Variants in CDC25C observed in about 807,000 individuals in gnomAD.
CDC25C encodes M-phase inducer phosphatase 3.
A neutral mutation model predicts 52.5 loss-of-function variants in CDC25C; 48 were observed. The observed-to-expected ratio is 0.91, with a 90% CI of 0.72 to 1.16. The LOEUF (loss-of-function observed/expected upper bound fraction) is 1.16, where lower values mean the gene tolerates loss of function less well. CDC25C is among the 50% of genes most tolerant of loss of function. CDC25C has a pLI of 0.00. For synonymous variants in CDC25C, 187 were observed against 206.5 expected, an observed-to-expected ratio of 0.91 and a Z score of 0.81; for missense variants, 510 against 566.1, an observed-to-expected ratio of 0.90 and a Z score of 1.01.
At position 138,329,535 on chromosome 5, in the gene CDC25C, T is replaced by C. The variant is rs771147894; in HGVS notation, c.289+18A>G. 8 of 1,497,458 alleles carry C rather than the reference T, an allele frequency of 5.3e-6. No individual in the cohort carries two copies. Among genetic ancestry groups the C allele is most frequent in the African/African-American group, 1.4e-5 (1 of 72,140 alleles). The allele number at this position is 1,497,458 out of a possible 1,614,324, so 92.8% of individuals were successfully genotyped here. A position where few individuals can be genotyped will look rare whatever the true frequency, so the allele number is the denominator to read the frequency against. On this transcript the variant is annotated intron_variant, in intron 3 of 13. Coordinates refer to ENST00000323760, the MANE Select transcript of CDC25C (RefSeq NM_001790.5). ...AAGTTATTCTTCCCTTTGAGGCCTTTATCTCCCTTCTCCCTACCAGTTTCA... is the reference window on the plus strand; with the variant it reads ...AAGTTATTCTTCCCTTTGAGGCCTTCATCTCCCTTCTCCCTACCAGTTTCA...
intron 6 of CDC25C, among the ~76,000 whole-genome samples, chr5:138,320,411 A>G (rs1759268431): frequency 6.6e-6 from 1 of 152,198 alleles, no homozygotes; most frequent in South Asian, 2.1e-4. Flanking sequence ...GTTGGAAACA[A>G]CTCAAAATGT....
At chr5:138,286,668 G>A (rs758679403) in intron 11 of CDC25C, 38 bp from the exon 12 acceptor site, 13 of 1,574,142 alleles carry the variant, frequency 8.3e-6, no homozygotes, top group Non-Finnish European at 1.0e-5. Flanking sequence ...TTCCTCAGGG[G>A]CTTATAGACA....
At chr5:138,309,775 G>T (rs554331288) in intron 7 of CDC25C, among the ~76,000 whole-genome samples, 4 of 147,618 alleles carry the variant, frequency 2.7e-5, no homozygotes, top group Non-Finnish European at 5.9e-5. Flanking sequence ...GAGTGCAGTG[G>T]TGTGATCTGC....
At chr5:138,338,234 T>G in exon 1 of CDC25C, 1 of 1,220,966 alleles carries the variant, frequency 8.2e-7, no homozygotes, top group Non-Finnish European at 1.1e-6. Context: ...GCCAGCGCCT[T>G]TTAAGGGCAC....
intron 3 of CDC25C, chr5:138,328,914 C>A: frequency 5.8e-6 from 1 of 172,060 alleles, no homozygotes; most frequent in Non-Finnish European, 1.2e-5. Flanking sequence ...CAACATATTT[C>A]TTTTTTTTTG....
intron 7 of CDC25C, 25 bp from the exon 8 acceptor site, chr5:138,292,141 A>T: frequency 2.5e-6 from 4 of 1,600,790 alleles, no homozygotes; most frequent in Non-Finnish European, 3.4e-6. Flanking sequence ...TAAACCCCCT[A>T]GTTCTTACTC....
chr5:138,317,419 C>T (rs1410292397), intron 7 of CDC25C, among the ~76,000 whole-genome samples: 2 of 152,108 alleles, frequency 1.3e-5, no homozygotes, highest in East Asian at 3.9e-4. Context: ...GTAGCTCATG[C>T]CTGTAATCCC....
rs962766467 is a variant in CDC25C, at chr5:138,326,689, C to G, written c.336-635G>C. ...TAATTTCTGGCGGGGCGCTGTGGCCCACGCCTGTAATCCCAGCACTTTGGG... is the reference window on the plus strand; with the variant it reads ...TAATTTCTGGCGGGGCGCTGTGGCCGACGCCTGTAATCCCAGCACTTTGGG... On this transcript the variant is annotated intron_variant, in intron 4 of 13. Coordinates refer to ENST00000323760, the MANE Select transcript of CDC25C (RefSeq NM_001790.5). 3.8e-4 allele frequency among the ~76,000 whole-genome samples: 58 copies of G among 152,258 alleles called. 1 individual carries two copies. Among genetic ancestry groups the G allele is most frequent in the Non-Finnish European group, 1.2e-4 (8 of 68,006 alleles).
chr5:138,286,371 G>C (rs758621162), intron 12 of CDC25C, 126 bp downstream of exon 12: 7 of 1,102,430 alleles, frequency 6.3e-6, no homozygotes, highest in Middle Eastern at 3.1e-4. Context: ...TTTTAGAAAC[G>C]TCTTCCTTCA....
Position 138,329,633 on chromosome 5 carries a change from C to T in CDC25C, c.209G>A (p.Arg70His), listed in dbSNP as rs758267553. The T allele has an allele frequency of 5.6e-6, 9 of 1,606,206 alleles. No homozygotes were observed. The highest frequency in any genetic ancestry group is 5.5e-5 in the South Asian group (5 of 90,984). The change falls in exon 3 of 14, where the codon CGT becomes CAT. Residue 70 changes from arginine (R) to histidine (H), a missense_variant. By Grantham distance (29) the Arg-to-His change is conservative. Coordinates refer to ENST00000323760, the MANE Select transcript of CDC25C (RefSeq NM_001790.5). ...GCTAAGATTCGAAAGATCGAGGCAA[C>T]GTTTTGGGGTTCCTCTGTTGAGACA... is the stretch of plus-strand genomic sequence containing the variant. ...LSILSGGTPK[R>H]CLDLSNLSSG...
chr5:138,290,711 CAG>C lies in CDC25C; in HGVS notation c.790_791del (p.Leu264ValfsTer2). ...GCATCTGAGTGATAGTAATGTCACACAGAGAGACTGTCTTCTTTAAACATAAG... is the reference window on the plus strand; with the variant it reads ...GCATCTGAGTGATAGTAATGTCACACAGAGACTGTCTTCTTTAAACATAAG... ...KGLCLKKTVS[L>X]CDITITQMLE... On this transcript the variant is annotated frameshift_variant, in exon 9 of 14. Coordinates refer to ENST00000323760, the MANE Select transcript of CDC25C (RefSeq NM_001790.5). LOFTEE classifies it high-confidence loss of function. 2.5e-6 allele frequency: 4 copies of C among 1,609,790 alleles called. No individual in the cohort carries two copies. Among genetic ancestry groups the C allele is most frequent in the Non-Finnish European group, 2.6e-6 (3 of 1,176,168 alleles).
rs1760073980 is a variant in CDC25C, at chr5:138,328,489, A to G, written c.330T>C (p.Ala110=). 6.2e-7 allele frequency: 1 copy of G among 1,613,724 alleles called. No homozygotes were observed. Among genetic ancestry groups the G allele is most frequent in the Non-Finnish European group, 8.5e-7 (1 of 1,179,730 alleles). The change falls in exon 4 of 14, where the codon GCT becomes GCC. Residue 110 remains alanine, a synonymous_variant. Transcript: ENST00000323760. ...DSSGLQEVHL[A]GMNHDQHLMK... is the part of the protein sequence containing the mutation. Reference sequence around the variant, plus strand: ...CATTTAACAACAGAACTTACATCCCAGCTAAATGCACTTCCTGAAGTCCTG... The same window carrying G: ...CATTTAACAACAGAACTTACATCCCGGCTAAATGCACTTCCTGAAGTCCTG...
chr5:138,325,151 G>A (rs1338118327), intron 6 of CDC25C, among the ~76,000 whole-genome samples: 6 of 152,124 alleles, frequency 3.9e-5, no homozygotes, highest in African/African-American at 1.4e-4. Context: ...AAGAACAGCC[G>A]AAAACATGAG....
chr5:138,321,487 CTCATGCCTGTAATCCCAG>C, intron 6 of CDC25C, among the ~76,000 whole-genome samples: 1 of 152,210 alleles, frequency 6.6e-6, no homozygotes, highest in Admixed American at 6.5e-5. Context: ...GGCGCGGTGG[CTCATGCCTGTAATCCCAG>C]CACTTTGGGA....
chr5:138,301,705 A>ATT (rs371753855), intron 7 of CDC25C, among the ~76,000 whole-genome samples: 2,629 of 114,136 alleles, frequency 0.023, 93 homozygotes, highest in African/African-American at 0.071. Context: ...AAAAAAAAAA[A>ATT]TTTTTTTTTT....
intron 7 of CDC25C, among the ~76,000 whole-genome samples, chr5:138,308,305 T>C (rs1758190644): frequency 6.6e-6 from 1 of 152,226 alleles, no homozygotes; most frequent in Non-Finnish European, 1.5e-5. Flanking sequence ...AAGATTCAAT[T>C]ATGTTCACTG....
intron 7 of CDC25C, among the ~76,000 whole-genome samples, chr5:138,302,017 C>G (rs1287352798): frequency 7.5e-6 from 1 of 133,476 alleles, no homozygotes; most frequent in African/African-American, 2.8e-5. Flanking sequence ...TTTATTGAGA[C>G]AGAGTCTCGC....
chr5:138,338,286 C>G (rs1760865943), exon 1 of CDC25C: 2 of 834,082 alleles, frequency 2.4e-6, no homozygotes, highest in Non-Finnish European at 3.5e-6. Context: ...CGGCCGCGGC[C>G]CTGGGAGCTG....
At chr5:138,288,758 A>G (rs1561666794) in intron 10 of CDC25C, among the ~76,000 whole-genome samples, 3 of 152,268 alleles carry the variant, frequency 2.0e-5, no homozygotes, top group Middle Eastern at 3.4e-3. Flanking sequence ...TGGTGATGAG[A>G]TTGTGGGTAT....
Sources: gnomAD v4.1 joint callset for allele counts (sites outside exome capture counted in the v4.1 genomes callset) on GRCh38, gnomAD v4.1.1 for gene constraint, MANE v1.5 for transcripts, NCBI Gene and HGNC (gene_info 2026-07-23, HGNC 2026-07-21) for gene names.